The following MATK variants were observed in gnomAD, a reference collection of about 807,000 sequenced individuals.
MATK encodes megakaryocyte-associated tyrosine-protein kinase.
Under a neutral mutation model 59.8 loss-of-function variants are expected in MATK, and 41 were observed. The observed-to-expected ratio is 0.69, with a 90% CI of 0.53 to 0.89. The LOEUF (loss-of-function observed/expected upper bound fraction) is 0.89, where lower values mean the gene tolerates loss of function less well. MATK is among the 40% of genes least tolerant of loss of function. The pLI is 0.00. For synonymous variants in MATK, 308 were observed against 306.1 expected (o/e 1.01, Z -0.06); for missense variants, 593 against 719.6 (o/e 0.82, Z 2.01).
intron 1 of MATK, among the ~76,000 whole-genome samples, chr19:3,800,064 C>A (rs1245155398): frequency 6.6e-6 from 1 of 151,470 alleles, no homozygotes; most frequent in Non-Finnish European, 1.5e-5. Context: ...ATGGCGTGAA[C>A]CCGGGAGGCG....
chr19:3,779,915 T>C, intron 8 of MATK, 118 bp from the exon 9 acceptor site: 5 of 694,346 alleles, frequency 7.2e-6, no homozygotes, highest in Non-Finnish European at 1.3e-5. Context: ...CAGCTGCGGG[T>C]CCCCAGACCT....
At chr19:3,794,398 A>G (rs2037572964) in intron 1 of MATK, among the ~76,000 whole-genome samples, 1 of 152,190 alleles carries the variant, frequency 6.6e-6, no homozygotes, top group Non-Finnish European at 1.5e-5. Context: ...TCACGCTTGC[A>G]ATCCCAGCAC....
intron 1 of MATK, among the ~76,000 whole-genome samples, chr19:3,795,114 A>T (rs2037581746): frequency 6.7e-6 from 1 of 150,082 alleles, no homozygotes; most frequent in South Asian, 2.1e-4. Context: ...TGTAGCTGGG[A>T]CTACAGGCGC....
chr19:3,785,021 C>G, intron 2 of MATK, 43 bp downstream of exon 2: 1 of 1,599,550 alleles, frequency 6.3e-7, no homozygotes, highest in Non-Finnish European at 8.6e-7. Context: ...TGGATGGGAC[C>G]CAGAACTGGC....
At chr19:3,781,920 G>C (rs956086078) in intron 7 of MATK, among the ~76,000 whole-genome samples, 1 of 152,204 alleles carries the variant, frequency 6.6e-6, no homozygotes, top group African/African-American at 2.4e-5. Context: ...GCTTACAGGA[G>C]GGATAGTGGT....
chr19:3,778,107 T>C lies in MATK; in HGVS notation c.*76A>G. On this transcript the variant is annotated 3_prime_UTR_variant, in exon 14 of 14. Coordinates refer to ENST00000310132, the MANE Select transcript of MATK (RefSeq NM_139355.3). ...ATGACTTGCCCGCCTGGACCCTCCT[T>C]GGGCCTGGTCAGTGCCCCCACGCCG... is the stretch of plus-strand genomic sequence containing the variant. 1.3e-6 allele frequency: 2 copies of C among 1,494,214 alleles called. No homozygotes were observed. The highest frequency in any genetic ancestry group is 2.2e-4 in the Middle Eastern group (1 of 4,500). 92.6% of individuals were successfully genotyped at this position (1,494,214 alleles called of 1,614,324 possible). A position where few individuals can be genotyped will look rare whatever the true frequency, so the allele number is the denominator to read the frequency against.
At chr19:3,799,326 G>A (rs1177757088) in intron 1 of MATK, among the ~76,000 whole-genome samples, 1 of 152,168 alleles carries the variant, frequency 6.6e-6, no homozygotes, top group Non-Finnish European at 1.5e-5. Flanking sequence ...TAAGTTAAAG[G>A]GCCACGCTGT....
chr19:3,798,506 ATT>A (rs2037615317), intron 1 of MATK, among the ~76,000 whole-genome samples: 1 of 151,682 alleles, frequency 6.6e-6, no homozygotes, highest in African/African-American at 2.4e-5. Flanking sequence ...AATGGCCTGG[ATT>A]TTTTATTTTT....
At chr19:3,800,517 G>C (rs927472927) in intron 1 of MATK, among the ~76,000 whole-genome samples, 2 of 151,648 alleles carry the variant, frequency 1.3e-5, no homozygotes, top group African/African-American at 4.8e-5. Context: ...GTGGTGGCAG[G>C]TGCCTGTAAT....
rs2037445154 is a variant in MATK, at chr19:3,784,217, T to G, written c.269A>C (p.Lys90Thr). 6.2e-7 allele frequency: 1 copy of G among 1,613,258 alleles called. No homozygotes were observed. Among genetic ancestry groups the G allele is most frequent in the African/African-American group, 1.3e-5 (1 of 74,928 alleles). Residue 90 changes from lysine (K) to threonine (T), a missense_variant, in exon 5 of 14, where the codon AAG (lysine) becomes ACG (threonine). By Grantham distance (78) the Lys-to-Thr change is moderately conservative. Coordinates refer to ENST00000310132, the MANE Select transcript of MATK (RefSeq NM_139355.3). ...ACENKSWYRV[K>T]HHTSGQEGLL... ...CCCCTCCTGTCCACTGGTGTGGTGC[T>G]TGACGCGGTACCAGCTCTTGTTCTG...
At position 3,779,185 on chromosome 19, in the gene MATK, T is replaced by A; in HGVS notation, c.1004A>T (p.His335Leu). 3 of 1,584,432 alleles carry A rather than the reference T, an allele frequency of 1.9e-6. No homozygotes were observed. Among genetic ancestry groups the A allele is most frequent in the Non-Finnish European group, 2.6e-6 (3 of 1,164,364 alleles). The change falls in exon 12 of 14, where the codon CAC becomes CTC. Residue 335 changes from histidine (H) to leucine (L), a missense_variant and splice_region_variant. Transcript: ENST00000310132. ...CAGGTACTCCATGCCCTCGGCCACG[T>A]GCCTGGGGGTAGTAGGGGGCAGTGG... ...NTAQLLQFSL[H>L]VAEGMEYLES...
chr19:3,780,451 G>A (rs1030377501), intron 8 of MATK, among the ~76,000 whole-genome samples: 10 of 151,550 alleles, frequency 6.6e-5, no homozygotes, highest in Admixed American at 3.9e-4. Context: ...TATTTGAGAC[G>A]GAGTCTTGCT....
At chr19:3,781,316 G>C (rs530512067) in intron 8 of MATK, among the ~76,000 whole-genome samples, 78 of 152,190 alleles carry the variant, frequency 5.1e-4, no homozygotes, top group Admixed American at 2.4e-3. Flanking sequence ...ATAATTTCAG[G>C]GAATGGTGTT....
intron 1 of MATK, among the ~76,000 whole-genome samples, chr19:3,794,975 CTTTTTTT>C (rs532158792): frequency 9.3e-5 from 10 of 107,914 alleles, no homozygotes; most frequent in Non-Finnish European, 1.5e-4. Flanking sequence ...TTTTCTTTTG[CTTTTTTT>C]TTTTTTTTTT....
chr19:3,792,321 C>G (rs1237823116), intron 1 of MATK, among the ~76,000 whole-genome samples: 1 of 151,978 alleles, frequency 6.6e-6, no homozygotes, highest in Non-Finnish European at 1.5e-5. Flanking sequence ...GGTGATGAGT[C>G]ATATGACAGA....
intron 2 of MATK, 75 bp from the exon 3 acceptor site, chr19:3,784,959 T>C: frequency 7.0e-7 from 1 of 1,423,144 alleles, no homozygotes; most frequent in Non-Finnish European, 9.9e-7. Context: ...CCAGCCCAGG[T>C]CAGGTGGGGG....
upstream of MATK, among the ~76,000 whole-genome samples, chr19:3,790,510 A>G (rs564451206): frequency 3.1e-4 from 47 of 152,066 alleles, 1 homozygote; most frequent in Non-Finnish European, 5.9e-4. Context: ...AAATCCTTCC[A>G]TAGCTCCCCA....
chr19:3,784,851 G>C lies in MATK; in HGVS notation c.106C>G (p.Pro36Ala). 1 of 1,551,364 alleles carries C rather than the reference G, an allele frequency of 6.4e-7. No homozygotes were observed. Among genetic ancestry groups the C allele is most frequent in the East Asian group, 2.4e-5 (1 of 41,030 alleles). ...GTTGGCATCCTGGCTGAGACGGGAG[G>C]GGGGTGCCAGGCTCGGAGGAAGCGG... is the stretch of plus-strand genomic sequence containing the variant. ...SPRFLRAWHPPPVSARMPTRR... is the reference protein window; with the variant it reads ...SPRFLRAWHPAPVSARMPTRR... The change falls in exon 3 of 14, where the codon CCT becomes GCT. Residue 36 changes from proline to alanine, a missense_variant. Pro to Ala is a conservative substitution (Grantham distance 27, BLOSUM62 -1). Coordinates refer to ENST00000310132, the MANE Select transcript of MATK (RefSeq NM_139355.3).
intron 1 of MATK, among the ~76,000 whole-genome samples, chr19:3,794,438 G>T (rs995260167): frequency 1.3e-5 from 2 of 152,246 alleles, no homozygotes; most frequent in Non-Finnish European, 2.9e-5. Flanking sequence ...AGGATTGCTT[G>T]AGCCCTGCCA....
Sources: allele counts gnomAD v4.1 joint callset (sites outside exome capture counted in the v4.1 genomes callset), GRCh38; gene constraint gnomAD v4.1.1; transcripts MANE v1.5; gene names NCBI Gene and HGNC (gene_info 2026-07-23, HGNC 2026-07-21).